MAPK8: variants seen among roughly 807,000 people sequenced by gnomAD.
The protein encoded by MAPK8 is mitogen-activated protein kinase 8, also known as JUN N-terminal kinase.
MAPK8 carries 13 observed loss-of-function variants against 52.9 expected under a neutral mutation model. The ratio of observed to expected loss-of-function variants is 0.25; its 90% confidence interval spans 0.16 to 0.39. MAPK8 has a LOEUF of 0.39. MAPK8 is among the 10% of genes least tolerant of loss of function. The probability of loss-of-function intolerance (pLI) is 1.00; values close to 1 mark genes in which losing one functional copy is unlikely to be tolerated. For synonymous variants in MAPK8, 191 were observed against 169.8 expected (o/e 1.12, Z -0.97); for missense variants, 300 against 519.2 (o/e 0.58, Z 4.10).
intron 5 of MAPK8, among the ~76,000 whole-genome samples, chr10:48,412,043 A>G (rs1426755406): frequency 5.3e-5 from 8 of 152,216 alleles, no homozygotes; most frequent in Middle Eastern, 3.4e-3. Context: ...ACAGAGTTTC[A>G]CCATGTTGGT....
At chr10:48,431,317 G>A (rs1238872497) in intron 11 of MAPK8, 47 bp downstream of exon 11, 2 of 1,305,824 alleles carry the variant, frequency 1.5e-6, no homozygotes, top group Non-Finnish European at 2.2e-6. Flanking sequence ...TACTTCTTGT[G>A]TTGTAATCTT....
intron 1 of MAPK8, among the ~76,000 whole-genome samples, chr10:48,344,065 T>C (rs1176019973): frequency 1.3e-5 from 2 of 152,208 alleles, no homozygotes; most frequent in African/African-American, 2.4e-5. Context: ...CTCTGTCCCA[T>C]TTAGCCAGGA....
intron 1 of MAPK8, among the ~76,000 whole-genome samples, chr10:48,326,479 C>G (rs1183828727): frequency 1.3e-5 from 2 of 152,086 alleles, no homozygotes; most frequent in African/African-American, 2.4e-5. Context: ...TCAGCCGTTT[C>G]TCTAAGGAGC....
chr10:48,405,312 GA>G (rs1309852174), intron 3 of MAPK8, among the ~76,000 whole-genome samples: 3 of 152,078 alleles, frequency 2.0e-5, no homozygotes, highest in African/African-American at 7.2e-5. Context: ...CTGACATTTA[GA>G]AAACTGTAGC....
chr10:48,353,614 A>G (rs1846550194), intron 1 of MAPK8, among the ~76,000 whole-genome samples: 2 of 152,160 alleles, frequency 1.3e-5, no homozygotes, highest in South Asian at 4.1e-4. Context: ...CCCTACAACC[A>G]TAAAACTTAA....
chr10:48,389,814 A>G, intron 1 of MAPK8, among the ~76,000 whole-genome samples: 1 of 152,208 alleles, frequency 6.6e-6, no homozygotes, highest in East Asian at 1.9e-4. Flanking sequence ...ATGGTAAGTG[A>G]TATGAAGAAA....
At position 48,434,998 on chromosome 10, in the gene MAPK8, C is replaced by G. The variant is rs147673874; in HGVS notation, c.1253C>G (p.Ala418Gly). The G allele has an allele frequency of 3.7e-6, 6 of 1,607,050 alleles. No individual in the cohort carries two copies. In the East Asian group the frequency reaches 1.3e-4, roughly 36 times the overall value. Residue 418 changes from alanine to glycine, a missense_variant, in exon 12 of 12, where the codon GCA becomes GGA. By Grantham distance (60) the Ala-to-Gly change is moderately conservative (BLOSUM62 0). This residue lies in a region of MAPK8 where 119 missense variants were observed against 154.4 expected (regional missense o/e 0.77). Coordinates refer to ENST00000374189, the MANE Select transcript of MAPK8 (RefSeq NM_001323329.2). ...TCTGATACAGACAGCAGTCTAGAAG[C>G]AGCAGCTGGGCCTCTGGGCTGCTGT... ...LASDTDSSLE[A>G]AAGPLGCCR is the part of the protein sequence containing the mutation.
At chr10:48,367,984 T>G (rs1848216625) in intron 1 of MAPK8, among the ~76,000 whole-genome samples, 2 of 152,140 alleles carry the variant, frequency 1.3e-5, no homozygotes, top group African/African-American at 4.8e-5. Context: ...AATACCTACT[T>G]GCTACAGGAG....
intron 5 of MAPK8, among the ~76,000 whole-genome samples, chr10:48,417,286 T>G (rs1429029393): frequency 2.6e-5 from 4 of 152,202 alleles, no homozygotes; most frequent in African/African-American, 9.7e-5. Context: ...TAGTATCTTT[T>G]TTAGCTCATG....
chr10:48,387,446 G>A (rs888636076), intron 1 of MAPK8, among the ~76,000 whole-genome samples: 2 of 152,102 alleles, frequency 1.3e-5, no homozygotes, highest in Admixed American at 1.3e-4. Context: ...ATATGGAGGG[G>A]AATCATCTGG....
intron 1 of MAPK8, among the ~76,000 whole-genome samples, chr10:48,370,236 T>A (rs1263935542): frequency 6.6e-6 from 1 of 152,148 alleles, no homozygotes. Flanking sequence ...TGGGATTATT[T>A]ACAAATAAGG....
At chr10:48,335,041 G>C (rs1844556167) in intron 1 of MAPK8, among the ~76,000 whole-genome samples, 1 of 152,116 alleles carries the variant, frequency 6.6e-6, no homozygotes. Context: ...TTCATGGGCT[G>C]ACCCCTCCTC....
At chr10:48,365,225 G>T (rs1380200258) in intron 1 of MAPK8, among the ~76,000 whole-genome samples, 5 of 152,166 alleles carry the variant, frequency 3.3e-5, no homozygotes, top group Non-Finnish European at 7.4e-5. Flanking sequence ...AAGGAAGCAG[G>T]AGTGAAGTAA....
intron 3 of MAPK8, among the ~76,000 whole-genome samples, chr10:48,407,814 ATCTTCTT>A (rs914391822): frequency 2.6e-5 from 4 of 152,112 alleles, no homozygotes; most frequent in Admixed American, 6.6e-5. Context: ...CCACTAATCA[ATCTTCTT>A]TCTGTCTCTA....
chr10:48,434,425 T>G (rs2044661721), intron 11 of MAPK8, among the ~76,000 whole-genome samples: 1 of 152,228 alleles, frequency 6.6e-6, no homozygotes, highest in Non-Finnish European at 1.5e-5. Flanking sequence ...GAATTTTTCC[T>G]TTTTAGTGAG....
At chr10:48,393,246 A>G (rs1208646746) in intron 1 of MAPK8, among the ~76,000 whole-genome samples, 1 of 152,030 alleles carries the variant, frequency 6.6e-6, no homozygotes, top group African/African-American at 2.4e-5. Flanking sequence ...CTATATCTAG[A>G]TACCAAATTG....
At chr10:48,376,581 A>G (rs929260209) in intron 1 of MAPK8, among the ~76,000 whole-genome samples, 2 of 152,240 alleles carry the variant, frequency 1.3e-5, no homozygotes, top group Non-Finnish European at 2.9e-5. Flanking sequence ...ATATGAAGAG[A>G]CACTTCTCAA....
At chr10:48,358,212 A>G (rs1279200378) in intron 1 of MAPK8, among the ~76,000 whole-genome samples, 1 of 152,166 alleles carries the variant, frequency 6.6e-6, no homozygotes, top group Non-Finnish European at 1.5e-5. Flanking sequence ...ATGGTAATCT[A>G]TGTTTTACTT....
At chr10:48,361,052 A>G (rs764139288) in intron 1 of MAPK8, among the ~76,000 whole-genome samples, 4 of 152,120 alleles carry the variant, frequency 2.6e-5, no homozygotes, top group Non-Finnish European at 5.9e-5. Context: ...GATTTTTTTT[A>G]AAGGAAAATA....
Sources: allele counts gnomAD v4.1 joint callset (sites outside exome capture counted in the v4.1 genomes callset), GRCh38; gene constraint gnomAD v4.1.1; regional missense constraint gnomAD v4.1.1; transcripts MANE v1.5; gene names NCBI Gene and HGNC (gene_info 2026-07-23, HGNC 2026-07-21).